Variants in PHF3 observed in about 807,000 individuals in gnomAD.
PHF3 encodes the protein PHD finger protein 3.
Under a neutral mutation model 178.4 loss-of-function variants are expected in PHF3, and 41 were observed. The observed-to-expected ratio is 0.23, with a 90% CI of 0.18 to 0.30. PHF3 has a LOEUF of 0.30. Among genes scored for constraint, PHF3 ranks in the 10% least tolerant of loss-of-function variants. The pLI is 1.00. For synonymous variants in PHF3, 842 were observed against 800.5 expected (o/e 1.05, Z -0.88); for missense variants, 2,346 against 2,398.1 (o/e 0.98, Z 0.45).
At chr6:63,641,416 C>G (rs929863230) in intron 1 of PHF3, among the ~76,000 whole-genome samples, 1 of 152,032 alleles carries the variant, frequency 6.6e-6, no homozygotes, top group Non-Finnish European at 1.5e-5. Context: ...TCACACCACC[C>G]CCCTACACAC....
chr6:63,640,585 C>G (rs1441277728), intron 1 of PHF3, among the ~76,000 whole-genome samples: 1 of 152,162 alleles, frequency 6.6e-6, no homozygotes, highest in East Asian at 1.9e-4. Flanking sequence ...AGCACATTGA[C>G]TCTTAAATGA....
rs972767780 is a variant in PHF3 at position 63,716,563 on chromosome 6, A to G, written c.*2855A>G. On this transcript the variant is annotated 3_prime_UTR_variant, in exon 16 of 16. Coordinates refer to ENST00000262043, the MANE Select transcript of PHF3 (RefSeq NM_001370348.2). ...TACAAGTGTAGTGGCTTAAAACCAC[A>G]CAAATTTATGATCTTACGGTTCTGT... Among the ~76,000 whole-genome samples, 2 of 152,120 alleles carry G rather than the reference A, an allele frequency of 1.3e-5. No homozygotes were observed. Among genetic ancestry groups the G allele is most frequent in the Admixed American group, 1.3e-4 (2 of 15,246 alleles).
In PHF3 at chr6:63,720,611, T is replaced by G. The variant is rs898765917; in HGVS notation, c.*6903T>G. ...TAGTGTTAACTTATGTAACCTCATTTTGTTCATCTCCATCATAAACATTGT... is the reference window on the plus strand; with the variant it reads ...TAGTGTTAACTTATGTAACCTCATTGTGTTCATCTCCATCATAAACATTGT... On this transcript the variant is annotated 3_prime_UTR_variant, in exon 16 of 16. Coordinates refer to ENST00000262043, the MANE Select transcript of PHF3 (RefSeq NM_001370348.2). The G allele has an allele frequency of 4.0e-6, 6 of 1,485,764 alleles. No homozygotes were observed. The highest frequency in any genetic ancestry group is 4.5e-6 in the Non-Finnish European group (5 of 1,115,558). The allele number at this position is 1,485,764 out of a possible 1,614,324, so 92.0% of individuals were successfully genotyped here. A position where few individuals can be genotyped will look rare whatever the true frequency, so the allele number is the denominator to read the frequency against.
chr6:63,700,304 C>A, intron 8 of PHF3, 46 bp from the exon 9 acceptor site: 1 of 876,910 alleles, frequency 1.1e-6, no homozygotes, highest in South Asian at 1.6e-5. Flanking sequence ...AGTAGCCACT[C>A]AAAATGTTTG....
At position 63,698,755 on chromosome 6, in the gene PHF3, T is replaced by C. The variant is rs1366400368; in HGVS notation, c.2982+150T>C. The C allele has an allele frequency of 9.3e-6, 5 of 538,868 alleles. No individual in the cohort carries two copies. The East Asian group carries it at 1.3e-4, about 14-fold the overall frequency. The allele number at this position is 538,868 out of a possible 1,614,324, so 33.4% of individuals were successfully genotyped here. A position where few individuals can be genotyped will look rare whatever the true frequency, so the allele number is the denominator to read the frequency against. On this transcript the variant is annotated intron_variant, in intron 8 of 15. Coordinates refer to ENST00000262043, the MANE Select transcript of PHF3 (RefSeq NM_001370348.2). ...GAACATGTAATTTTAATAGTCTTTT[T>C]GCTACTGAATAATTCTGCATACTAA...
rs1057530 is a variant in PHF3, at chr6:63,717,199, C to T, written c.*3491C>T. 0.54 allele frequency among the ~76,000 whole-genome samples: 81,369 copies of T among 151,856 alleles called. 23,172 individuals are homozygous for T. The highest frequency in any genetic ancestry group is 0.73 in the African/African-American group (30,317 of 41,436). Reference sequence around the variant, plus strand: ...TGTGTGTTAACATAAAACTACCCGTCAACAGGTAACTTTACTCTGTTGTTC... The same window carrying T: ...TGTGTGTTAACATAAAACTACCCGTTAACAGGTAACTTTACTCTGTTGTTC... On this transcript the variant is annotated 3_prime_UTR_variant, in exon 16 of 16. Transcript: ENST00000262043.
intron 2 of PHF3, among the ~76,000 whole-genome samples, chr6:63,665,438 C>T (rs1234194510): frequency 6.7e-6 from 1 of 149,084 alleles, no homozygotes; most frequent in African/African-American, 2.5e-5. Flanking sequence ...TTTTAATAAT[C>T]ACTTCCTGTT....
At chr6:63,669,596 A>G (rs547886204) in intron 2 of PHF3, among the ~76,000 whole-genome samples, 1 of 152,344 alleles carries the variant, frequency 6.6e-6, no homozygotes, top group Middle Eastern at 3.4e-3. Context: ...AGGTGTGTAT[A>G]TATGTAAAAC....
intron 1 of PHF3, among the ~76,000 whole-genome samples, chr6:63,642,335 C>T (rs1028205309): frequency 2.6e-5 from 4 of 152,136 alleles, no homozygotes; most frequent in Admixed American, 6.6e-5. Context: ...CCCTTCAATA[C>T]GGCATTTAGC....
At chr6:63,709,577 A>G (rs1392778525) in intron 14 of PHF3, among the ~76,000 whole-genome samples, 2 of 152,194 alleles carry the variant, frequency 1.3e-5, no homozygotes, top group Non-Finnish European at 1.5e-5. Context: ...AAGCTATTGC[A>G]AAAAAGAGAA....
At position 63,709,144 on chromosome 6, in the gene PHF3, A is replaced by C; in HGVS notation, c.3712-7A>C. ...TATTGATCTCTTTTTTTTTTTTTTA[A>C]CCATAGGACCTACCAGATAGTATTC... is the stretch of plus-strand genomic sequence containing the variant. On this transcript the variant is annotated splice_region_variant and splice_polypyrimidine_tract_variant and intron_variant, in intron 13 of 15. Coordinates refer to ENST00000262043, the MANE Select transcript of PHF3 (RefSeq NM_001370348.2). 6.8e-7 allele frequency: 1 copy of C among 1,463,518 alleles called. No homozygotes were observed. 90.7% of individuals were successfully genotyped at this position (1,463,518 alleles called of 1,614,324 possible). A position where few individuals can be genotyped will look rare whatever the true frequency, so the allele number is the denominator to read the frequency against.
chr6:63,720,685 C>A lies in PHF3; in HGVS notation c.*6977C>A. 3 of 1,545,308 alleles carry A rather than the reference C, an allele frequency of 1.9e-6. No homozygotes were observed. Among genetic ancestry groups the A allele is most frequent in the Non-Finnish European group, 2.6e-6 (3 of 1,145,096 alleles). ...ATGTTTTTTGGTTCCTGAAAAAATA[C>A]AACATCTTTAATTTTGCCAACAAAA... is the stretch of plus-strand genomic sequence containing the variant. On this transcript the variant is annotated 3_prime_UTR_variant, in exon 16 of 16. Coordinates refer to ENST00000262043, the MANE Select transcript of PHF3 (RefSeq NM_001370348.2).
intron 13 of PHF3, 102 bp from the exon 14 acceptor site, chr6:63,709,049 A>G: frequency 1.7e-6 from 1 of 578,878 alleles, no homozygotes; most frequent in Non-Finnish European, 2.9e-6. Flanking sequence ...TGTTTTTATT[A>G]CTGTTTCAAA....
chr6:63,639,132 G>A (rs1764470919), intron 1 of PHF3, among the ~76,000 whole-genome samples: 1 of 151,956 alleles, frequency 6.6e-6, no homozygotes, highest in Non-Finnish European at 1.5e-5. Flanking sequence ...CATTTTTAAT[G>A]GTATTTTAAA....
intron 1 of PHF3, among the ~76,000 whole-genome samples, chr6:63,641,036 T>A (rs1424219205): frequency 6.6e-6 from 1 of 152,232 alleles, no homozygotes; most frequent in African/African-American, 2.4e-5. Flanking sequence ...TGTCTTGAAG[T>A]TTGAGCACAA....
chr6:63,680,216 T>A (rs1403966892), intron 3 of PHF3, 55 bp downstream of exon 3: 5 of 1,416,636 alleles, frequency 3.5e-6, no homozygotes, highest in African/African-American at 1.4e-5. Flanking sequence ...GACAGATGTG[T>A]TAGGTTATAA....
intron 12 of PHF3, 60 bp downstream of exon 12, chr6:63,706,284 T>TG: frequency 7.7e-7 from 1 of 1,300,196 alleles, no homozygotes; most frequent in East Asian, 2.3e-5. Context: ...AGATTATACT[T>TG]GCAAGTCTTC....
At chr6:63,640,491 A>G (rs1053070990) in intron 1 of PHF3, among the ~76,000 whole-genome samples, 12 of 152,186 alleles carry the variant, frequency 7.9e-5, no homozygotes, top group Non-Finnish European at 1.6e-4. Context: ...AAATGGCATG[A>G]TGCATTTAAT....
chr6:63,648,300 ATTATCT>A (rs1764875137), intron 2 of PHF3, among the ~76,000 whole-genome samples: 1 of 152,084 alleles, frequency 6.6e-6, no homozygotes, highest in Non-Finnish European at 1.5e-5. Context: ...AGTAGCTCTA[ATTATCT>A]TTATTTTTAA....
Sources: gnomAD v4.1 joint callset for allele counts (sites outside exome capture counted in the v4.1 genomes callset) on GRCh38, gnomAD v4.1.1 for gene constraint, MANE v1.5 for transcripts, NCBI Gene and HGNC (gene_info 2026-07-23, HGNC 2026-07-21) for gene names.